Variants in CDYL observed in about 807,000 individuals in gnomAD.
CDYL encodes the protein chromodomain Y-like protein.
Under a neutral mutation model 47.3 loss-of-function variants are expected in CDYL, and 8 were observed. The observed-to-expected ratio is 0.17, with a 90% CI of 0.10 to 0.31. CDYL has a LOEUF of 0.31. Among genes scored for constraint, CDYL ranks in the 10% least tolerant of loss-of-function variants. The probability of loss-of-function intolerance (pLI) is 1.00; values close to 1 mark genes in which losing one functional copy is unlikely to be tolerated. For synonymous variants in CDYL, 266 were observed against 265.0 expected (o/e 1.00, Z -0.04); for missense variants, 471 against 701.4 (o/e 0.67, Z 3.71).
chr6:4,889,061 G>A (rs1761970011), intron 1 of CDYL, among the ~76,000 whole-genome samples: 1 of 152,074 alleles, frequency 6.6e-6, no homozygotes, highest in Non-Finnish European at 1.5e-5. Flanking sequence ...CTGTTGTTGG[G>A]TGCAGAGTTA....
In CDYL at chr6:4,776,682, A is replaced by G; in HGVS notation, c.-102A>G. 2.8e-6 allele frequency: 3 copies of G among 1,083,064 alleles called. No individual in the cohort carries two copies. Among genetic ancestry groups the G allele is most frequent in the Non-Finnish European group, 3.6e-6 (3 of 831,836 alleles). 67.1% of individuals were successfully genotyped at this position (1,083,064 alleles called of 1,614,324 possible). A position where few individuals can be genotyped will look rare whatever the true frequency, so the allele number is the denominator to read the frequency against. ...GCGCCCGGCCGGCCGCGGGAGCAGG[A>G]AGCGCAGGCCACGCAGGACCCAACT... On this transcript the variant is annotated 5_prime_UTR_variant, in exon 1 of 7. Transcript: ENST00000397588.
chr6:4,937,800 G>A, intron 4 of CDYL, 63 bp downstream of exon 4: 3 of 1,327,284 alleles, frequency 2.3e-6, no homozygotes, highest in Non-Finnish European at 3.2e-6. Context: ...AACCAATCCT[G>A]ATAGAATGGG....
chr6:4,731,699 T>C (rs1189040029), intron 2 of CDYL, among the ~76,000 whole-genome samples: 1 of 152,036 alleles, frequency 6.6e-6, no homozygotes, highest in Non-Finnish European at 1.5e-5. Context: ...CTCAGGAGAC[T>C]GAGGCAGGAG....
chr6:4,771,634 A>G (rs537779100), upstream of CDYL, among the ~76,000 whole-genome samples: 2 of 152,300 alleles, frequency 1.3e-5, no homozygotes, highest in Admixed American at 1.3e-4. Context: ...GGGTTCCCCC[A>G]CTTCTGGTGG....
chr6:4,937,657 T>C lies in CDYL; in HGVS notation c.1041T>C (p.Cys347=). The C allele has an allele frequency of 6.2e-7, 1 of 1,614,088 alleles. No homozygotes were observed. The highest frequency in any genetic ancestry group is 1.6e-4 in the Middle Eastern group (1 of 6,062). Residue 347 remains cysteine, a synonymous_variant, in exon 4 of 7, where the codon TGT becomes TGC. Coordinates refer to ENST00000397588, the MANE Select transcript of CDYL (RefSeq NM_004824.4). ...LLSAVGSVFC[C]GLDFIYFIRR... is the part of the protein sequence containing the mutation. ...GCGCCGTTGGCAGCGTCTTCTGTTG[T>C]GGACTTGACTTTATTTATTTTATAC...
intron 1 of CDYL, among the ~76,000 whole-genome samples, chr6:4,837,604 A>G (rs1381803830): frequency 6.6e-6 from 1 of 151,024 alleles, no homozygotes; most frequent in Admixed American, 6.6e-5. Flanking sequence ...TTCTGGGATT[A>G]CAGGCGAGTG....
intron 3 of CDYL, among the ~76,000 whole-genome samples, chr6:4,758,723 T>C (rs1352957994): frequency 6.6e-6 from 1 of 152,014 alleles, no homozygotes; most frequent in African/African-American, 2.4e-5. Flanking sequence ...ATAAAAACCC[T>C]ATAATTCTAG....
chr6:4,949,934 C>T (rs1485469502), intron 5 of CDYL, among the ~76,000 whole-genome samples: 1 of 152,208 alleles, frequency 6.6e-6, no homozygotes, highest in Non-Finnish European at 1.5e-5. Context: ...AATGCCCTTG[C>T]TTGTCCTGCA....
upstream of CDYL, among the ~76,000 whole-genome samples, chr6:4,772,417 G>C (rs768280969): frequency 2.6e-5 from 4 of 152,166 alleles, no homozygotes; most frequent in Non-Finnish European, 5.9e-5. Context: ...CTGAAAAAAG[G>C]AATCAGCTGT....
intron 3 of CDYL, among the ~76,000 whole-genome samples, chr6:4,750,745 T>C (rs918168812): frequency 6.6e-6 from 1 of 152,144 alleles, no homozygotes; most frequent in Non-Finnish European, 1.5e-5. Flanking sequence ...ACTGTAAGTA[T>C]ATAGACAGGA....
chr6:4,740,428 A>C (rs1757776929), intron 3 of CDYL, among the ~76,000 whole-genome samples: 2 of 152,116 alleles, frequency 1.3e-5, no homozygotes, highest in Admixed American at 1.3e-4. Flanking sequence ...AGGCCAGGGA[A>C]CTGCTGAACA....
At position 4,892,010 on chromosome 6, in the gene CDYL, A is replaced by G. The variant is rs1489735852; in HGVS notation, c.322A>G (p.Lys108Glu). 1.9e-6 allele frequency: 3 copies of G among 1,614,070 alleles called. No homozygotes were observed. Among genetic ancestry groups the G allele is most frequent in the Non-Finnish European group, 1.7e-6 (2 of 1,180,028 alleles). ...CGTGATTGGGAAAGACCACGAATCC[A>G]AAAACAGCCAGCTGTTTGCTGCCAG... ...ALVIGKDHESKNSQLFAASQK... is the reference protein window; with the variant it reads ...ALVIGKDHESENSQLFAASQK... The change falls in exon 2 of 7, where the codon AAA (lysine) becomes GAA (glutamate). Residue 108 changes from lysine (K) to glutamate (E), a missense_variant. By Grantham distance (56) the Lys-to-Glu change is moderately conservative (BLOSUM62 1). Around this residue, in one of 3 missense-constraint regions of CDYL, gnomAD observed 311 missense variants for 350.0 expected, o/e 0.89. Coordinates refer to ENST00000397588, the MANE Select transcript of CDYL (RefSeq NM_004824.4).
chr6:4,895,822 T>C (rs1020198575), intron 2 of CDYL, among the ~76,000 whole-genome samples: 3 of 152,198 alleles, frequency 2.0e-5, no homozygotes, highest in Admixed American at 2.0e-4. Context: ...AGGAAGATAA[T>C]AATAGCTTCC....
intron 2 of CDYL, among the ~76,000 whole-genome samples, chr6:4,719,655 TG>T (rs1347769711): frequency 6.6e-6 from 1 of 152,162 alleles, no homozygotes; most frequent in African/African-American, 2.4e-5. Flanking sequence ...AGAACGATGA[TG>T]GGGGTTGATC....
intron 2 of CDYL, among the ~76,000 whole-genome samples, chr6:4,717,703 C>CAAAAAAAAAAAAAAAAA (rs200835710): frequency 6.1e-5 from 3 of 49,350 alleles, no homozygotes; most frequent in African/African-American, 1.9e-4. Flanking sequence ...AAGACCCTCA[C>CAAAAAAAAAAAAAAAAA]AAAAAAAAAA....
At chr6:4,835,926 T>A (rs530241141) in intron 1 of CDYL, among the ~76,000 whole-genome samples, 2 of 152,254 alleles carry the variant, frequency 1.3e-5, no homozygotes, top group South Asian at 4.1e-4. Context: ...TTTAAGCCCG[T>A]CAGAAAAGCG....
chr6:4,946,155 C>G (rs758602909), intron 5 of CDYL, among the ~76,000 whole-genome samples: 9 of 152,122 alleles, frequency 5.9e-5, no homozygotes, highest in Non-Finnish European at 1.0e-4. Flanking sequence ...GCCCCTCTGG[C>G]CAGCCCTGGG....
At chr6:4,734,362 C>A (rs1317341780) in intron 2 of CDYL, among the ~76,000 whole-genome samples, 1 of 152,322 alleles carries the variant, frequency 6.6e-6, no homozygotes. Context: ...CCTGCCAGCT[C>A]TCCCCATCAC....
rs9378413 is a variant in CDYL at position 4,781,228 on chromosome 6, C to G, written c.24+4421C>G. Among the ~76,000 whole-genome samples the G allele has an allele frequency of 1.4e-4, 22 of 152,220 alleles. No homozygotes were observed. In the East Asian group the frequency reaches 2.3e-3, roughly 16 times the overall value. On this transcript the variant is annotated intron_variant, in intron 1 of 6. Coordinates refer to ENST00000397588, the MANE Select transcript of CDYL (RefSeq NM_004824.4). ...AGGTAGGTCTTTTGAATCTTTCTTC[C>G]TACTTTGCGATAAGATTCCTGCTCT... is the stretch of plus-strand genomic sequence containing the variant.
Sources: allele counts gnomAD v4.1 joint callset (sites outside exome capture counted in the v4.1 genomes callset), GRCh38; gene constraint gnomAD v4.1.1; regional missense constraint gnomAD v4.1.1; transcripts MANE v1.5; gene names NCBI Gene and HGNC (gene_info 2026-07-23, HGNC 2026-07-21).